GCFC2: variants seen among roughly 807,000 people sequenced by gnomAD.
The protein encoded by GCFC2 is GC-rich sequence DNA-binding factor 2.
In GCFC2, 102 loss-of-function variants were observed where a neutral mutation model predicts 99.4. The ratio of observed to expected loss-of-function variants is 1.03; its 90% CI spans 0.87 to 1.21. The LOEUF is 1.21. GCFC2 is among the 50% of genes most tolerant of loss of function. The pLI is 0.00. For synonymous variants in GCFC2, 338 were observed against 316.8 expected, an observed-to-expected ratio of 1.07 and a Z score of -0.71; for missense variants, 973 against 920.9, an observed-to-expected ratio of 1.06 and a Z score of -0.73.
At chr2:75,669,881 C>T (rs571647842) in intron 15 of GCFC2, 1 of 197,678 alleles carries the variant, frequency 5.1e-6, no homozygotes, top group East Asian at 1.0e-4. Flanking sequence ...TTAGCCACCG[C>T]ACCTGGCTAA....
At chr2:75,710,331 T>C (rs751747446) in intron 1 of GCFC2, 30 of 624,020 alleles carry the variant, frequency 4.8e-5, no homozygotes, top group Non-Finnish European at 6.3e-5. Context: ...AGTCAACTGA[T>C]GGTGAAAACG....
intron 15 of GCFC2, among the ~76,000 whole-genome samples, chr2:75,668,699 G>A (rs960028526): frequency 6.6e-6 from 1 of 151,916 alleles, no homozygotes; most frequent in Non-Finnish European, 1.5e-5. Context: ...GGGATATGTA[G>A]GTGTTTCCAA....
At chr2:75,712,362 T>C (rs1462137568), upstream of GCFC2, among the ~76,000 whole-genome samples, 4 of 152,196 alleles carry the variant, frequency 2.6e-5, no homozygotes, top group African/African-American at 9.6e-5. Flanking sequence ...CTAGCTGCTC[T>C]GGTGAGGCCT....
chr2:75,675,981 G>A (rs1221336203), intron 12 of GCFC2, among the ~76,000 whole-genome samples: 1 of 152,100 alleles, frequency 6.6e-6, no homozygotes, highest in Non-Finnish European at 1.5e-5. Flanking sequence ...GATGCCAATG[G>A]TTTTTATGCT....
intron 7 of GCFC2, 160 bp from the exon 8 acceptor site, chr2:75,690,879 G>A (rs1680037671): frequency 1.9e-6 from 1 of 530,418 alleles, no homozygotes; most frequent in Non-Finnish European, 3.3e-6. Context: ...ACATTTCAAT[G>A]TTAACTCTTT....
chr2:75,671,405 G>A (rs1176703436), intron 14 of GCFC2, among the ~76,000 whole-genome samples: 1 of 152,116 alleles, frequency 6.6e-6, no homozygotes, highest in African/African-American at 2.4e-5. Flanking sequence ...CTAGACCTCT[G>A]TATCTCTATT....
chr2:75,703,318 C>T (rs1435412196), intron 2 of GCFC2, among the ~76,000 whole-genome samples: 3 of 152,180 alleles, frequency 2.0e-5, no homozygotes, highest in Admixed American at 2.0e-4. Context: ...ATTTTCTAAA[C>T]TTTCCCACAA....
upstream of GCFC2, chr2:75,710,958 G>T: frequency 7.3e-7 from 1 of 1,367,628 alleles, no homozygotes; most frequent in Non-Finnish European, 9.4e-7. Context: ...TGGCCGCCGA[G>T]TGCGCGCGCC....
chr2:75,712,691 T>A (rs1383386289), upstream of GCFC2, among the ~76,000 whole-genome samples: 1 of 152,084 alleles, frequency 6.6e-6, no homozygotes, highest in African/African-American at 2.4e-5. Context: ...ACCGTGAAGA[T>A]CTGCAGCTTC....
intron 12 of GCFC2, among the ~76,000 whole-genome samples, chr2:75,675,741 C>CAAAAAAAAAAAAAAAAAAAAA (rs1206357027): frequency 1.4e-5 from 1 of 70,268 alleles, no homozygotes; most frequent in African/African-American, 3.7e-5. Context: ...AAGGTTCTGT[C>CAAAAAAAAAAAAAAAAAAAAA]AAAAAAAAAA....
Position 75,680,302 on chromosome 2 carries a change from A to C in GCFC2, c.1703T>G (p.Phe568Cys). 6.2e-7 allele frequency: 1 copy of C among 1,610,402 alleles called. No individual in the cohort carries two copies. The highest frequency in any genetic ancestry group is 8.5e-7 in the Non-Finnish European group (1 of 1,177,128). Residue 568 changes from phenylalanine to cysteine, a missense_variant, in exon 12 of 17, where the codon TTC (phenylalanine) becomes TGC (cysteine). Transcript: ENST00000321027. Reference protein sequence around the residue: ...IIPRLTDFVEFLWDPLSTSQT... With the variant: ...IIPRLTDFVECLWDPLSTSQT... ...TGAGGTTGACAAAGGATCCCAAAGG[A>C]ATTCTACAAAGTCTGAAACAAATAT...
chr2:75,701,397 T>C (rs1228935386), intron 3 of GCFC2, 110 bp from the exon 4 acceptor site: 4 of 638,394 alleles, frequency 6.3e-6, no homozygotes, highest in Non-Finnish European at 1.1e-5. Flanking sequence ...TGACGTGTTA[T>C]TTATTCTTCA....
chr2:75,693,793 A>G (rs1485350390), intron 6 of GCFC2, among the ~76,000 whole-genome samples: 2 of 152,116 alleles, frequency 1.3e-5, no homozygotes, highest in Non-Finnish European at 2.9e-5. Flanking sequence ...AAGACAAGAA[A>G]CAAATAATTC....
At chr2:75,673,380 T>G in intron 13 of GCFC2, 64 bp downstream of exon 13, 1 of 767,946 alleles carries the variant, frequency 1.3e-6, no homozygotes, top group Non-Finnish European at 2.3e-6. Flanking sequence ...TGCATTGCAT[T>G]CTTAAACAAA....
At chr2:75,703,607 G>A (rs1573092541) in intron 2 of GCFC2, among the ~76,000 whole-genome samples, 1 of 152,150 alleles carries the variant, frequency 6.6e-6, no homozygotes, top group East Asian at 1.9e-4. Context: ...ACTACTGTCA[G>A]GGACATGATG....
At chr2:75,682,043 T>G (rs1035579468) in intron 11 of GCFC2, among the ~76,000 whole-genome samples, 1 of 151,934 alleles carries the variant, frequency 6.6e-6, no homozygotes, top group African/African-American at 2.4e-5. Flanking sequence ...CGTCCTTGCC[T>G]GACAGTTCTG....
At chr2:75,686,670 G>C (rs1043842322) in intron 11 of GCFC2, among the ~76,000 whole-genome samples, 1 of 152,134 alleles carries the variant, frequency 6.6e-6, no homozygotes, top group Non-Finnish European at 1.5e-5. Context: ...CTTGACCCCA[G>C]GAATTCAAGA....
At chr2:75,692,827 G>T (rs116156877) in intron 6 of GCFC2, among the ~76,000 whole-genome samples, 2 of 151,992 alleles carry the variant, frequency 1.3e-5, no homozygotes, top group Non-Finnish European at 1.5e-5. Context: ...TTGAAAAATC[G>T]GGGAATGGAG....
intron 7 of GCFC2, among the ~76,000 whole-genome samples, chr2:75,691,702 T>C (rs963762659): frequency 6.6e-6 from 1 of 152,220 alleles, no homozygotes; most frequent in Non-Finnish European, 1.5e-5. Flanking sequence ...TCCAGAATTA[T>C]GTGAACTTGT....
Sources: allele counts gnomAD v4.1 joint callset (sites outside exome capture counted in the v4.1 genomes callset), GRCh38; gene constraint gnomAD v4.1.1; transcripts MANE v1.5; gene names NCBI Gene and HGNC (gene_info 2026-07-23, HGNC 2026-07-21).